SYTL3: variants seen among roughly 807,000 people sequenced by gnomAD.
SYTL3 encodes synaptotagmin like 3, also known as synaptotagmin-like protein 3.
A neutral mutation model predicts 82.1 loss-of-function variants in SYTL3; 88 were observed. That is an observed-to-expected ratio of 1.07 (90% CI 0.90 to 1.28). The LOEUF (loss-of-function observed/expected upper bound fraction) is 1.28, where lower values mean the gene tolerates loss of function less well. SYTL3 is among the 50% of genes most tolerant of loss of function. The pLI is 0.00. For synonymous variants in SYTL3, 311 were observed against 289.4 expected, an observed-to-expected ratio of 1.07 and a Z score of -0.76; for missense variants, 831 against 757.6, an observed-to-expected ratio of 1.10 and a Z score of -1.14.
intron 5 of SYTL3, among the ~76,000 whole-genome samples, chr6:158,673,481 C>T (rs1445007606): frequency 1.3e-5 from 2 of 150,230 alleles, no homozygotes; most frequent in Non-Finnish European, 3.0e-5. Flanking sequence ...GCTCTGTTGC[C>T]CAGGCTAGAG....
intron 11 of SYTL3, among the ~76,000 whole-genome samples, chr6:158,728,252 T>C (rs1784971920): frequency 6.6e-6 from 1 of 152,134 alleles, no homozygotes; most frequent in African/African-American, 2.4e-5. Flanking sequence ...CTCGTTACTA[T>C]TTTTGTGTGT....
chr6:158,763,319 A>G lies in SYTL3; in HGVS notation c.1533A>G (p.Pro511=), dbSNP rs749740228. ...NSFVKGCLTL[P]DQQKLRLKSP... ...CCCTCTTCAGCTGTCTCACTCTGCC[A>G]GACCAACAAAAACTGAGACTGAAGT... The change falls in exon 17 of 18, where the codon CCA becomes CCG. Residue 511 remains proline (P), a synonymous_variant. Transcript: ENST00000611299. The G allele has an allele frequency of 9.3e-6, 15 of 1,614,214 alleles. No homozygotes were observed. The highest frequency in any genetic ancestry group is 3.3e-4 in the Middle Eastern group (2 of 6,058).
At chr6:158,710,620 T>C (rs563117656) in intron 8 of SYTL3, among the ~76,000 whole-genome samples, 3 of 152,182 alleles carry the variant, frequency 2.0e-5, no homozygotes, top group Admixed American at 6.5e-5. Context: ...CATAGCAAAC[T>C]GTGCTGTGTG....
rs1784305143 is a variant in SYTL3 at position 158,723,005 on chromosome 6, A to G, written c.721-2498A>G. On this transcript the variant is annotated intron_variant, in intron 10 of 17. Coordinates refer to ENST00000611299, the MANE Select transcript of SYTL3 (RefSeq NM_001242394.2). ...GGTCTTGAACTTCTAACCTCAGGTG[A>G]TCTGCCAGCCTCGGCTTCCCAAAGT... 4.7e-5 allele frequency among the ~76,000 whole-genome samples: 7 copies of G among 150,364 alleles called. No individual in the cohort carries two copies. The South Asian group carries it at 1.5e-3, about 32-fold the overall frequency.
chr6:158,690,229 A>G (rs968410681), intron 6 of SYTL3, among the ~76,000 whole-genome samples: 2 of 152,252 alleles, frequency 1.3e-5, no homozygotes, highest in Non-Finnish European at 2.9e-5. Context: ...CTATGAGTAA[A>G]GGAATAAGTG....
chr6:158,762,330 C>G (rs1185907241), intron 16 of SYTL3, 152 bp downstream of exon 16: 2 of 604,920 alleles, frequency 3.3e-6, no homozygotes, highest in Non-Finnish European at 5.7e-6. Context: ...ATTAAAGACC[C>G]TGATTTCCAA....
At chr6:158,709,321 A>G (rs1207748900) in intron 8 of SYTL3, among the ~76,000 whole-genome samples, 4 of 152,224 alleles carry the variant, frequency 2.6e-5, no homozygotes, top group Non-Finnish European at 5.9e-5. Flanking sequence ...CACTTGCGTT[A>G]GCCTACAGTT....
In SYTL3 at chr6:158,757,391, G is replaced by C; in HGVS notation, c.1308+10G>C. The C allele has an allele frequency of 6.2e-7, 1 of 1,612,960 alleles. No homozygotes were observed. Among genetic ancestry groups the C allele is most frequent in the Non-Finnish European group, 8.5e-7 (1 of 1,179,400 alleles). On this transcript the variant is annotated intron_variant, in intron 14 of 17. Coordinates refer to ENST00000611299, the MANE Select transcript of SYTL3 (RefSeq NM_001242394.2). ...TCCGCTCCGGGCCAAGGTGATGTCT[G>C]GTTTTGGACTGAGTGCCCTCCATCC...
intron 13 of SYTL3, among the ~76,000 whole-genome samples, chr6:158,752,687 G>A (rs542216192): frequency 6.6e-6 from 1 of 152,214 alleles, no homozygotes; most frequent in Non-Finnish European, 1.5e-5. Context: ...CAGGGTGAGG[G>A]GGGTAGCCCA....
intron 12 of SYTL3, among the ~76,000 whole-genome samples, chr6:158,750,379 T>C (rs1788245762): frequency 6.6e-6 from 1 of 152,238 alleles, no homozygotes; most frequent in Admixed American, 6.5e-5. Flanking sequence ...GTGTGCACTT[T>C]ATTATAATGC....
chr6:158,708,499 G>T, intron 8 of SYTL3, 108 bp downstream of exon 8: 1 of 1,059,884 alleles, frequency 9.4e-7, no homozygotes, highest in South Asian at 1.3e-5. Context: ...CCCAGCAAAG[G>T]GATCTGACTG....
At chr6:158,713,931 C>A in intron 9 of SYTL3, 53 bp downstream of exon 9, 1 of 1,366,844 alleles carries the variant, frequency 7.3e-7, no homozygotes, top group Non-Finnish European at 1.0e-6. Context: ...GCCAGCCGAG[C>A]CCACTGGCCA....
intron 6 of SYTL3, among the ~76,000 whole-genome samples, chr6:158,698,396 C>CAAA (rs561053825): frequency 0.06 from 6,790 of 113,092 alleles, 614 homozygotes; most frequent in African/African-American, 0.19. Flanking sequence ...GACTCTGTCT[C>CAAA]AAAAAAAAAA....
At chr6:158,760,899 G>A (rs928757787) in intron 15 of SYTL3, among the ~76,000 whole-genome samples, 154 bp downstream of exon 15, 4 of 152,160 alleles carry the variant, frequency 2.6e-5, no homozygotes, top group Non-Finnish European at 4.4e-5. Context: ...GCCATGCAGC[G>A]AGCCCGGGAG....
At chr6:158,757,169 G>A (rs775832966) in intron 13 of SYTL3, 42 bp from the exon 14 acceptor site, 5 of 1,580,688 alleles carry the variant, frequency 3.2e-6, no homozygotes, top group Non-Finnish European at 4.3e-6. Flanking sequence ...AGGAGTGCGG[G>A]CCCCGGGAGC....
chr6:158,692,887 G>A (rs1201323140), intron 6 of SYTL3, among the ~76,000 whole-genome samples: 3 of 151,920 alleles, frequency 2.0e-5, no homozygotes, highest in Non-Finnish European at 4.4e-5. Flanking sequence ...GGAGGTGGAG[G>A]TTGCAGTAAG....
chr6:158,713,692 C>G (rs552229219), intron 8 of SYTL3, 108 bp from the exon 9 acceptor site: 5 of 791,976 alleles, frequency 6.3e-6, no homozygotes, highest in Non-Finnish European at 1.1e-5. Flanking sequence ...CACACTCACT[C>G]GCACACACCC....
At chr6:158,681,989 T>TA (rs1778745873) in intron 5 of SYTL3, among the ~76,000 whole-genome samples, 1 of 152,116 alleles carries the variant, frequency 6.6e-6, no homozygotes, top group African/African-American at 2.4e-5. Flanking sequence ...CAGGCTGGAG[T>TA]GCAATGGTGC....
chr6:158,710,601 A>G (rs1444950885), intron 8 of SYTL3, among the ~76,000 whole-genome samples: 3 of 152,168 alleles, frequency 2.0e-5, no homozygotes, highest in Admixed American at 1.3e-4. Flanking sequence ...GAGAACGTGA[A>G]CTACACAGCA....
Sources: gnomAD v4.1 joint callset for allele counts (sites outside exome capture counted in the v4.1 genomes callset) on GRCh38, gnomAD v4.1.1 for gene constraint, MANE v1.5 for transcripts, NCBI Gene and HGNC (gene_info 2026-07-23, HGNC 2026-07-21) for gene names.